The following OR51E2 variants were observed in gnomAD, a reference collection of about 807,000 sequenced individuals.
OR51E2 encodes the protein olfactory receptor family 51 subfamily E member 2.
Under a neutral mutation model 13.7 loss-of-function variants are expected in OR51E2, and 14 were observed. The observed-to-expected ratio is 1.02, with a 90% CI of 0.68 to 1.60. The LOEUF (loss-of-function observed/expected upper bound fraction) is 1.60. Ranked by LOEUF, OR51E2 falls within the 40% of genes most tolerant of loss-of-function variation. The probability of loss-of-function intolerance (pLI) is 0.00; values close to 1 mark genes in which losing one functional copy is unlikely to be tolerated. For missense variants in OR51E2, 483 were observed against 413.8 expected, an observed-to-expected ratio of 1.17 and a Z score of -1.45; for synonymous variants, 180 against 157.6, an observed-to-expected ratio of 1.14 and a Z score of -1.07.
Position 4,682,585 on chromosome 11 carries a change from T to C in OR51E2, c.127A>G (p.Ile43Val). 1 of 1,614,150 alleles carries C rather than the reference T, an allele frequency of 6.2e-7. No homozygotes were observed. The highest frequency in any genetic ancestry group is 8.5e-7 in the Non-Finnish European group (1 of 1,180,020). ...TCCGTCCTTACGATGAAGACCACGA[T>C]GCAGTTTCCAAACATTGCCACTACA... ...MYVVAMFGNC[I>V]VVFIVRTERS... Residue 43 changes from isoleucine (I) to valine (V), a missense_variant, in exon 2 of 2, where the codon ATC (isoleucine) becomes GTC (valine). Physicochemically the swap from Ile to Val is conservative, Grantham distance 29 (BLOSUM62 3). Coordinates refer to ENST00000396950, the MANE Select transcript of OR51E2 (RefSeq NM_030774.4).
chr11:4,681,667 T>C lies in OR51E2; in HGVS notation c.*82A>G, dbSNP rs571635717. On this transcript the variant is annotated 3_prime_UTR_variant, in exon 2 of 2. Transcript: ENST00000396950. Reference sequence around the variant, plus strand: ...CCAGAGAAAAGTACTGATGTGCTTATGGGCAACTGGAAATAAGCTAGTGTT... The same window carrying C: ...CCAGAGAAAAGTACTGATGTGCTTACGGGCAACTGGAAATAAGCTAGTGTT... 688 of 1,523,442 alleles carry C rather than the reference T, an allele frequency of 4.5e-4. 2 individuals carry two copies. Among genetic ancestry groups the C allele is most frequent in the Admixed American group, 1.5e-3 (85 of 58,118 alleles). 94.4% of individuals were successfully genotyped at this position (1,523,442 alleles called of 1,614,324 possible).
chr11:4,685,804 G>T (rs58655671), intron 1 of OR51E2: 28,397 of 152,160 alleles, frequency 0.19, 3,377 homozygotes, highest in East Asian at 0.57. Context: ...AGGATATTGA[G>T]GTATCCTCAG....
intron 1 of OR51E2, chr11:4,691,097 C>A (rs1162178275): frequency 2.2e-6 from 1 of 456,714 alleles, no homozygotes; most frequent in South Asian, 1.5e-5. Context: ...ACATGGCAGT[C>A]AGCCCAACTG....
chr11:4,688,443 G>A (rs938456235), intron 1 of OR51E2, among the ~76,000 whole-genome samples: 1 of 152,182 alleles, frequency 6.6e-6, no homozygotes, highest in East Asian at 1.9e-4. Flanking sequence ...GCTAGTGTGG[G>A]TGACATAGAG....
In OR51E2 at chr11:4,692,409, G is replaced by A. The variant is rs140165451; in HGVS notation, c.-51+5244C>T. ...CCCACCTGATATAATGTGCTGCCAC[G>A]TTCCAACACAGTTCTCTCTTCAGTC... On this transcript the variant is annotated intron_variant, in intron 1 of 1. Transcript: ENST00000396950. Among the ~76,000 whole-genome samples, 420 of 152,324 alleles carry A rather than the reference G, an allele frequency of 2.8e-3. 5 individuals carry two copies. Among genetic ancestry groups the A allele is most frequent in the African/African-American group, 9.9e-3 (411 of 41,576 alleles).
intron 1 of OR51E2, among the ~76,000 whole-genome samples, chr11:4,689,505 G>T (rs926979914): frequency 1.3e-5 from 2 of 152,126 alleles, no homozygotes; most frequent in African/African-American, 2.4e-5. Context: ...CTGTAGATAC[G>T]AATGATTACT....
chr11:4,684,365 C>T (rs1210419333), intron 1 of OR51E2, among the ~76,000 whole-genome samples: 1 of 152,168 alleles, frequency 6.6e-6, no homozygotes, highest in African/African-American at 2.4e-5. Flanking sequence ...TTGCATCCAT[C>T]CATCCATTTC....
At chr11:4,694,488 G>A (rs1460952116) in intron 1 of OR51E2, among the ~76,000 whole-genome samples, 11 of 141,920 alleles carry the variant, frequency 7.8e-5, no homozygotes, top group African/African-American at 2.8e-4. Context: ...ATATATACGT[G>A]TATATATATA....
chr11:4,696,186 AC>A (rs1847653853), intron 1 of OR51E2, among the ~76,000 whole-genome samples: 1 of 152,090 alleles, frequency 6.6e-6, no homozygotes, highest in South Asian at 2.1e-4. Flanking sequence ...TACTGTGGCT[AC>A]CCCTGAGGGA....
chr11:4,697,383 A>G (rs1451732093), intron 1 of OR51E2, among the ~76,000 whole-genome samples: 2 of 152,252 alleles, frequency 1.3e-5, no homozygotes, highest in Non-Finnish European at 2.9e-5. Flanking sequence ...CATAGAAATG[A>G]GATTCACTGA....
At chr11:4,693,990 C>T (rs1183179320) in intron 1 of OR51E2, among the ~76,000 whole-genome samples, 4 of 152,064 alleles carry the variant, frequency 2.6e-5, no homozygotes, top group African/African-American at 9.7e-5. Flanking sequence ...CAGAGGGGCT[C>T]CATTTATGTC....
chr11:4,691,027 T>C (rs1026651206), intron 1 of OR51E2: 2 of 456,424 alleles, frequency 4.4e-6, no homozygotes, highest in Non-Finnish European at 8.8e-6. Context: ...CTAAGGACAG[T>C]CCTAATGATC....
At chr11:4,693,180 A>G (rs1295777444) in intron 1 of OR51E2, among the ~76,000 whole-genome samples, 1 of 152,226 alleles carries the variant, frequency 6.6e-6, no homozygotes, top group Non-Finnish European at 1.5e-5. Context: ...TCATTCCACA[A>G]TGCATACATG....
chr11:4,695,638 G>A (rs1455745531), intron 1 of OR51E2, among the ~76,000 whole-genome samples: 2 of 152,032 alleles, frequency 1.3e-5, no homozygotes, highest in African/African-American at 2.4e-5. Context: ...GATGTCACCC[G>A]TGATTTTCTA....
intron 1 of OR51E2, among the ~76,000 whole-genome samples, chr11:4,686,572 C>G (rs185295924): frequency 3.9e-5 from 6 of 152,308 alleles, no homozygotes; most frequent in Admixed American, 1.3e-4. Flanking sequence ...AGTGGAAGTG[C>G]TTATGAATTT....
Position 4,684,577 on chromosome 11 carries a change from T to C in OR51E2, c.-50-1816A>G, listed in dbSNP as rs113971030. Among the ~76,000 whole-genome samples the C allele has an allele frequency of 4.2e-3, 632 of 152,278 alleles. 2 individuals carry two copies. The highest frequency in any genetic ancestry group is 7.0e-3 in the Non-Finnish European group (478 of 68,024). ...AACACAGGGACGTATATTTACTTTC[T>C]TAATGCCTTTTGCCCATGCTACCAC... On this transcript the variant is annotated intron_variant, in intron 1 of 1. Transcript: ENST00000396950.
intron 1 of OR51E2, among the ~76,000 whole-genome samples, chr11:4,695,130 C>T (rs1374461428): frequency 1.3e-5 from 2 of 152,104 alleles, no homozygotes; most frequent in African/African-American, 4.8e-5. Context: ...TCTTGAATTC[C>T]ATGGACAGTG....
chr11:4,684,040 G>A (rs1300038663), intron 1 of OR51E2, among the ~76,000 whole-genome samples: 1 of 152,122 alleles, frequency 6.6e-6, no homozygotes, highest in Non-Finnish European at 1.5e-5. Flanking sequence ...CTTCAGTTTG[G>A]CCTTAATGTA....
At chr11:4,691,838 C>T (rs1847585874) in intron 1 of OR51E2, 1 of 288,238 alleles carries the variant, frequency 3.5e-6, no homozygotes, top group Admixed American at 4.9e-5. Flanking sequence ...CTATGAATGG[C>T]TCATTTAAAT....
Sources: allele counts gnomAD v4.1 joint callset (sites outside exome capture counted in the v4.1 genomes callset), GRCh38; gene constraint gnomAD v4.1.1; transcripts MANE v1.5; gene names NCBI Gene and HGNC (gene_info 2026-07-23, HGNC 2026-07-21).